CUX2: variants seen among roughly 807,000 people sequenced by gnomAD.
The protein encoded by CUX2 is cut like homeobox 2, also known as homeobox protein cut-like 2.
A neutral mutation model predicts 144.8 loss-of-function variants in CUX2; 40 were observed. That is an observed-to-expected ratio of 0.28 (90% CI 0.21 to 0.36). The LOEUF is 0.36. Ranked by LOEUF, CUX2 falls within the 10% of genes least tolerant of loss-of-function variation. CUX2 has a pLI of 1.00. For synonymous variants in CUX2, 827 were observed against 875.6 expected (o/e 0.94, Z 0.98); for missense variants, 1,615 against 1,994.0 (o/e 0.81, Z 3.62).
At chr12:111,301,004 A>G (rs1291691547) in intron 9 of CUX2, among the ~76,000 whole-genome samples, 1 of 149,874 alleles carries the variant, frequency 6.7e-6, no homozygotes, top group Non-Finnish European at 1.5e-5. Flanking sequence ...ACACTACTGC[A>G]TTCCAGCCTG....
chr12:111,336,384 A>G (rs542602176), intron 19 of CUX2, among the ~76,000 whole-genome samples: 236 of 152,132 alleles, frequency 1.6e-3, no homozygotes, highest in Middle Eastern at 3.4e-3. Flanking sequence ...CTAAAAAAGT[A>G]AATAAATCCC....
At chr12:111,279,424 C>T (rs1458374019) in intron 4 of CUX2, among the ~76,000 whole-genome samples, 2 of 152,214 alleles carry the variant, frequency 1.3e-5, no homozygotes, top group African/African-American at 4.8e-5. Context: ...ACCACCACTA[C>T]CTCTAAATGT....
chr12:111,243,901 G>A (rs1002825036), intron 3 of CUX2, among the ~76,000 whole-genome samples: 3 of 152,020 alleles, frequency 2.0e-5, no homozygotes, highest in Non-Finnish European at 2.9e-5. Context: ...ATGTGTGTTC[G>A]TGAGCACATG....
chr12:111,185,533 C>T (rs897801646), intron 1 of CUX2, among the ~76,000 whole-genome samples: 4 of 152,238 alleles, frequency 2.6e-5, no homozygotes, highest in Admixed American at 6.5e-5. Context: ...CTGTTCTTAT[C>T]GCCAGCTGCA....
chr12:111,078,017 G>T (rs1188704543), intron 1 of CUX2, among the ~76,000 whole-genome samples: 1 of 152,226 alleles, frequency 6.6e-6, no homozygotes, highest in Admixed American at 6.5e-5. Context: ...AGCTCTGGGG[G>T]TACCTGGGGT....
intron 1 of CUX2, among the ~76,000 whole-genome samples, chr12:111,045,638 C>T (rs1340509640): frequency 6.6e-6 from 1 of 152,140 alleles, no homozygotes; most frequent in Non-Finnish European, 1.5e-5. Flanking sequence ...GAGGGCATTT[C>T]CTGTTGAATT....
rs201245096 is a variant in CUX2 at position 111,348,234 on chromosome 12, G to A, written c.4370G>A (p.Arg1457Gln). 108 of 1,613,858 alleles carry A rather than the reference G, an allele frequency of 6.7e-5. No individual in the cohort carries two copies. Among genetic ancestry groups the A allele is most frequent in the African/African-American group, 2.1e-4 (16 of 74,886 alleles). Reference sequence around the variant, plus strand: ...GCCAAGGTGAACCCCAACTTGCAGCGGCGGCATGAGAAGATGGCCAATCTG... The same window carrying A: ...GCCAAGGTGAACCCCAACTTGCAGCAGCGGCATGAGAAGATGGCCAATCTG... The part of the protein sequence containing the change: ...PSAKVNPNLQ[R>Q]RHEKMANLNN... Residue 1457 changes from arginine (R) to glutamine (Q), a missense_variant, in exon 22 of 22, where the codon CGG (arginine) becomes CAG (glutamine). This residue lies in a region of CUX2 where 298 missense variants were observed against 330.4 expected (regional missense o/e 0.90). Transcript: ENST00000261726.
At position 111,304,258 on chromosome 12, in the gene CUX2, G is replaced by T; in HGVS notation, c.802G>T (p.Ala268Ser). Residue 268 changes from alanine to serine, a missense_variant, in exon 10 of 22, where the codon GCC becomes TCC. Ala to Ser is a moderately conservative substitution (Grantham distance 99). Transcript: ENST00000261726. The surrounding 1 kb of genome is among the most constrained non-coding windows in gnomAD (Gnocchi z 4.7). Reference protein sequence around the residue: ...REVESLREQLASVNSSIRLAC... With the variant: ...REVESLREQLSSVNSSIRLAC... ...GGTGGAAAGTCTCCGGGAACAGCTGGCCTCTGTCAACAGCTCCATCCGCCT... is the reference window on the plus strand; with the variant it reads ...GGTGGAAAGTCTCCGGGAACAGCTGTCCTCTGTCAACAGCTCCATCCGCCT... The T allele has an allele frequency of 5.0e-6, 8 of 1,614,006 alleles. No homozygotes were observed. Among genetic ancestry groups the T allele is most frequent in the Non-Finnish European group, 6.8e-6 (8 of 1,179,968 alleles).
chr12:111,118,095 T>G (rs1168948077), intron 1 of CUX2, among the ~76,000 whole-genome samples: 1 of 152,194 alleles, frequency 6.6e-6, no homozygotes, highest in Admixed American at 6.5e-5. Context: ...CTCCCAACTC[T>G]TGGCCTCTGA....
intron 4 of CUX2, among the ~76,000 whole-genome samples, chr12:111,286,840 G>T (rs891369885): frequency 9.2e-5 from 14 of 152,162 alleles, no homozygotes; most frequent in Non-Finnish European, 7.3e-5. Flanking sequence ...TGGCACTCCA[G>T]CCTGGGCAAC....
At position 111,034,265 on chromosome 12, in the gene CUX2, G is replaced by T. The variant is rs769546020; in HGVS notation, c.63+25G>T. 1.5e-6 allele frequency: 2 copies of T among 1,325,884 alleles called. No homozygotes were observed. The highest frequency in any genetic ancestry group is 2.0e-6 in the Non-Finnish European group (2 of 1,005,344). The allele number at this position is 1,325,884 out of a possible 1,614,324, so 82.1% of individuals were successfully genotyped here. A position where few individuals can be genotyped will look rare whatever the true frequency, so the allele number is the denominator to read the frequency against. ...GGTTAGTGCGGGCAGCGCCGGCCGC[G>T]CGGCCGTGAGGAGCCCCCGGGCGCG... On this transcript the variant is annotated intron_variant, in intron 1 of 21. Transcript: ENST00000261726. The surrounding 1 kb of genome is among the most constrained non-coding windows in gnomAD (Gnocchi z 4.2).
intron 1 of CUX2, among the ~76,000 whole-genome samples, chr12:111,133,853 A>T (rs1362755036): frequency 6.6e-6 from 1 of 151,856 alleles, no homozygotes; most frequent in Non-Finnish European, 1.5e-5. Context: ...TGGTGGGGAG[A>T]CTTCTTCCAC....
chr12:111,276,862 A>G (rs558075328), intron 4 of CUX2, among the ~76,000 whole-genome samples: 4 of 152,138 alleles, frequency 2.6e-5, no homozygotes. Context: ...TGGCTAGGCT[A>G]GTCTCGAACT....
At chr12:111,187,654 C>T (rs1259399032) in intron 1 of CUX2, among the ~76,000 whole-genome samples, 1 of 152,222 alleles carries the variant, frequency 6.6e-6, no homozygotes, top group Non-Finnish European at 1.5e-5. Flanking sequence ...TGTCTGTGCA[C>T]AACAGGCCGG....
chr12:111,055,739 C>T (rs978324718), intron 1 of CUX2, among the ~76,000 whole-genome samples: 1 of 152,232 alleles, frequency 6.6e-6, no homozygotes, highest in Admixed American at 6.5e-5. Context: ...TTCCTGTCCC[C>T]TGCCCAGGAT....
At chr12:111,092,656 A>C (rs1314232353) in intron 1 of CUX2, among the ~76,000 whole-genome samples, 1 of 152,112 alleles carries the variant, frequency 6.6e-6, no homozygotes, top group Non-Finnish European at 1.5e-5. Flanking sequence ...TGGTCCTGCC[A>C]GCGATTGGCT....
rs1490917211 is a variant in CUX2, at chr12:111,059,484, T to C, written c.63+25244T>C. On this transcript the variant is annotated intron_variant, in intron 1 of 21. Transcript: ENST00000261726. The surrounding 1 kb of genome is among the most constrained non-coding windows in gnomAD (Gnocchi z 5.3). ...CTGCCTGATTCCTGGACCATTTTGT[T>C]TTCTATGAGGGCCCCATTGATGCCT... Among the ~76,000 whole-genome samples, 1 of 152,172 alleles carries C rather than the reference T, an allele frequency of 6.6e-6. No individual in the cohort carries two copies. The highest frequency in any genetic ancestry group is 2.4e-5 in the African/African-American group (1 of 41,438).
At chr12:111,239,390 T>C (rs929812594) in intron 3 of CUX2, among the ~76,000 whole-genome samples, 1 of 152,206 alleles carries the variant, frequency 6.6e-6, no homozygotes, top group African/African-American at 2.4e-5. Flanking sequence ...TCACCAAGCA[T>C]GAAACGGACC....
In CUX2 at chr12:111,295,765, A is replaced by AATTAATTAATTAATTAATTT. The variant is rs548397283; in HGVS notation, c.637+371_637+372insAATTTATTAATTAATTAATT. Among the ~76,000 whole-genome samples, 1,801 of 151,452 alleles carry AATTAATTAATTAATTAATTT rather than the reference A, an allele frequency of 0.012. 240 individuals are homozygous for AATTAATTAATTAATTAATTT. In the East Asian group the frequency reaches 0.31, roughly 26 times the overall value. ...AGACCCTGTCTCTAATTAATTAATT[A>AATTAATTAATTAATTAATTT]ATTAATTAATTAATTTAATACAACC... On this transcript the variant is annotated intron_variant, in intron 7 of 21. Transcript: ENST00000261726. This position sits in a 1 kb window ranked among gnomAD's most constrained non-coding sequence, Gnocchi z 5.0.
Sources: gnomAD v4.1 joint callset for allele counts (sites outside exome capture counted in the v4.1 genomes callset) on GRCh38, gnomAD v4.1.1 for gene constraint, gnomAD v4.1.1 regional missense constraint, Gnocchi (gnomAD v3.1) non-coding constraint, MANE v1.5 for transcripts, NCBI Gene and HGNC (gene_info 2026-07-23, HGNC 2026-07-21) for gene names.